The following KCNQ5 variants were observed in gnomAD, a reference collection of about 807,000 sequenced individuals.
KCNQ5 encodes potassium voltage-gated channel subfamily Q member 5.
KCNQ5 carries 30 observed loss-of-function variants against 98.2 expected under a neutral mutation model. The ratio of observed to expected loss-of-function variants is 0.31; its 90% confidence interval spans 0.23 to 0.41. The LOEUF (loss-of-function observed/expected upper bound fraction) is 0.41. Ranked by LOEUF, KCNQ5 falls within the 10% of genes least tolerant of loss-of-function variation. The probability of loss-of-function intolerance (pLI) is 1.00; values close to 1 mark genes in which losing one functional copy is unlikely to be tolerated. For missense variants in KCNQ5, 835 were observed against 1,182.5 expected (o/e 0.71, Z 4.31); for synonymous variants, 458 against 449.4 (o/e 1.02, Z -0.24).
At chr6:73,018,447 G>A (rs978659057) in intron 2 of KCNQ5, among the ~76,000 whole-genome samples, 1 of 151,974 alleles carries the variant, frequency 6.6e-6, no homozygotes, top group African/African-American at 2.4e-5. Flanking sequence ...TGTGTCCTTC[G>A]AAACCCCAAC....
chr6:73,142,498 C>CAA (rs60700064), intron 10 of KCNQ5, among the ~76,000 whole-genome samples: 156 of 133,870 alleles, frequency 1.2e-3, no homozygotes, highest in African/African-American at 3.7e-3. Context: ...TATTATATCT[C>CAA]AAAAAAAAAA....
intron 3 of KCNQ5, chr6:73,055,487 A>G (rs763921408): frequency 1.0e-4 from 160 of 1,550,420 alleles, no homozygotes; most frequent in Non-Finnish European, 1.3e-4. Flanking sequence ...TCCTTTCTAC[A>G]GCAACATCAG....
At chr6:72,623,391 A>AGAGTGTGTGTGTGTGT (rs1554678872) in intron 1 of KCNQ5, among the ~76,000 whole-genome samples, 2 of 143,042 alleles carry the variant, frequency 1.4e-5, no homozygotes, top group Non-Finnish European at 3.0e-5. Context: ...GGAGTCAAAG[A>AGAGTGTGTGTGTGTGT]GTGTGTGTGT....
At chr6:73,126,628 G>A (rs540404519) in intron 9 of KCNQ5, among the ~76,000 whole-genome samples, 1 of 152,154 alleles carries the variant, frequency 6.6e-6, no homozygotes, top group South Asian at 2.1e-4. Flanking sequence ...GTTTAAATAT[G>A]TACAAAACCA....
chr6:73,024,042 A>G (rs975710358), intron 2 of KCNQ5, among the ~76,000 whole-genome samples: 2 of 152,144 alleles, frequency 1.3e-5, no homozygotes, highest in Non-Finnish European at 2.9e-5. Flanking sequence ...TCACTCCCAA[A>G]TGTCAATTCT....
chr6:72,926,128 T>G (rs1765407796), intron 1 of KCNQ5, among the ~76,000 whole-genome samples: 1 of 152,136 alleles, frequency 6.6e-6, no homozygotes, highest in African/African-American at 2.4e-5. Flanking sequence ...GAGCTGAGGC[T>G]GAGTGTCTGC....
chr6:72,750,551 C>T (rs369118272), intron 1 of KCNQ5, among the ~76,000 whole-genome samples: 66 of 152,050 alleles, frequency 4.3e-4, no homozygotes, highest in African/African-American at 1.1e-3. Context: ...TTTAAAAAGA[C>T]AGTTGATTTT....
intron 1 of KCNQ5, among the ~76,000 whole-genome samples, chr6:72,870,215 T>C (rs1415970101): frequency 6.6e-6 from 1 of 152,096 alleles, no homozygotes; most frequent in Non-Finnish European, 1.5e-5. Context: ...ATAACCCTGC[T>C]CCTTGGCTCC....
rs896418121 is a variant in KCNQ5 at position 72,663,727 on chromosome 6, T to C, written c.398+41140T>C. Among the ~76,000 whole-genome samples, 5 of 152,206 alleles carry C rather than the reference T, an allele frequency of 3.3e-5. No homozygotes were observed. In the South Asian group the frequency reaches 1.0e-3, roughly 31 times the overall value. ...AAAGTTTGGAGCTTTTAAAATGCAT[T>C]CTTCAATTCCAAAATAAGACTCTTT... On this transcript the variant is annotated intron_variant, in intron 1 of 13. Transcript: ENST00000370398.
chr6:72,630,046 A>G (rs549198233), intron 1 of KCNQ5, among the ~76,000 whole-genome samples: 1 of 152,288 alleles, frequency 6.6e-6, no homozygotes, highest in East Asian at 1.9e-4. Flanking sequence ...GTGCATATAT[A>G]TTTCATACTC....
intron 1 of KCNQ5, among the ~76,000 whole-genome samples, chr6:72,925,773 G>A (rs1765393854): frequency 6.6e-6 from 1 of 152,166 alleles, no homozygotes; most frequent in Non-Finnish European, 1.5e-5. Context: ...GTGTGAGGGA[G>A]GAGCTTGCTT....
At chr6:72,879,055 A>G (rs9342981) in intron 1 of KCNQ5, among the ~76,000 whole-genome samples, 40,646 of 152,074 alleles carry the variant, frequency 0.27, 5,613 homozygotes, top group Non-Finnish European at 0.29. Context: ...ATTTTTGACT[A>G]TAAGAGACAA....
rs1246667290 is a variant in KCNQ5, at chr6:73,133,538, G to C, written c.1365G>C (p.Glu455Asp). 6.2e-7 allele frequency: 1 copy of C among 1,614,082 alleles called. No homozygotes were observed. The highest frequency in any genetic ancestry group is 1.3e-5 in the African/African-American group (1 of 74,922). ...CCCCAAGCACCGACATCACAGCCGA[G>C]GGCAGTCCCACCAAAGTGCAGAAGA... ...RRSPSTDITA[E>D]GSPTKVQKSW... The change falls in exon 10 of 14, where the codon GAG becomes GAC. Residue 455 changes from glutamate to aspartate, a missense_variant. Around this residue, in one of 10 missense-constraint regions of KCNQ5, gnomAD observed 146 missense variants for 256.7 expected, o/e 0.57. Coordinates refer to ENST00000370398, the MANE Select transcript of KCNQ5 (RefSeq NM_019842.4).
intron 1 of KCNQ5, among the ~76,000 whole-genome samples, chr6:72,841,883 T>C (rs997936462): frequency 3.9e-5 from 6 of 152,106 alleles, no homozygotes; most frequent in African/African-American, 1.2e-4. Flanking sequence ...AACTATAGCA[T>C]AAAACATGTA....
chr6:72,853,945 A>G (rs1255002292), intron 1 of KCNQ5, among the ~76,000 whole-genome samples: 1 of 152,230 alleles, frequency 6.6e-6, no homozygotes, highest in East Asian at 1.9e-4. Flanking sequence ...TATATTTATG[A>G]CTTTCTGCAC....
intron 10 of KCNQ5, chr6:73,136,847 T>C (rs1776492546): frequency 1.3e-5 from 2 of 152,218 alleles, no homozygotes; most frequent in South Asian, 4.1e-4. Flanking sequence ...ATCTACTTAC[T>C]ACCATAGAAA....
chr6:73,015,495 A>G (rs1244426348), intron 2 of KCNQ5, among the ~76,000 whole-genome samples: 3 of 152,166 alleles, frequency 2.0e-5, no homozygotes, highest in Admixed American at 6.6e-5. Flanking sequence ...CCATGCCTCT[A>G]TCTACAATTA....
chr6:73,153,373 A>C (rs965127522), intron 10 of KCNQ5, among the ~76,000 whole-genome samples: 1 of 152,116 alleles, frequency 6.6e-6, no homozygotes, highest in Non-Finnish European at 1.5e-5. Flanking sequence ...GTTTTTCAAA[A>C]TGAGCAAGAT....
chr6:72,724,803 C>T (rs559927499), intron 1 of KCNQ5, among the ~76,000 whole-genome samples: 3 of 152,274 alleles, frequency 2.0e-5, no homozygotes, highest in Non-Finnish European at 4.4e-5. Flanking sequence ...AGCAACAACT[C>T]ATGCTTGTAC....
Sources: gnomAD v4.1 joint callset for allele counts (sites outside exome capture counted in the v4.1 genomes callset) on GRCh38, gnomAD v4.1.1 for gene constraint, gnomAD v4.1.1 regional missense constraint, MANE v1.5 for transcripts, NCBI Gene and HGNC (gene_info 2026-07-23, HGNC 2026-07-21) for gene names.